Variants in PNPLA8 observed in about 807,000 individuals in gnomAD.
PNPLA8 encodes patatin like domain 8, phospholipase A2, also known as calcium-independent phospholipase A2-gamma.
Under a neutral mutation model 76.9 loss-of-function variants are expected in PNPLA8, and 39 were observed. That is an observed-to-expected ratio of 0.51 (90% CI 0.39 to 0.66). The LOEUF is 0.66. Among genes scored for constraint, PNPLA8 ranks in the 30% least tolerant of loss-of-function variants. The pLI, the probability that PNPLA8 is intolerant of heterozygous loss-of-function variation, is 0.00. For synonymous variants in PNPLA8, 301 were observed against 307.9 expected, an observed-to-expected ratio of 0.98 and a Z score of 0.24; for missense variants, 887 against 918.0, an observed-to-expected ratio of 0.97 and a Z score of 0.44.
chr7:108,512,167 G>A (rs1173993079), intron 4 of PNPLA8, among the ~76,000 whole-genome samples: 3 of 152,186 alleles, frequency 2.0e-5, no homozygotes, highest in African/African-American at 7.2e-5. Context: ...AACTTTGCAT[G>A]AGCCAGAAAT....
intron 2 of PNPLA8, among the ~76,000 whole-genome samples, chr7:108,516,211 T>C (rs1863332372): frequency 6.6e-6 from 1 of 152,036 alleles, no homozygotes; most frequent in African/African-American, 2.4e-5. Flanking sequence ...AAAGAACACA[T>C]ACAAATAAGA....
At chr7:108,489,386 A>G (rs1259743284) in intron 8 of PNPLA8, among the ~76,000 whole-genome samples, 1 of 152,326 alleles carries the variant, frequency 6.6e-6, no homozygotes. Context: ...GGAATTCTCT[A>G]TAACTCTTCC....
Position 108,515,119 on chromosome 7 carries a change from G to A in PNPLA8, c.373C>T (p.Arg125Cys), listed in dbSNP as rs760704135. 1.6e-5 allele frequency: 26 copies of A among 1,606,278 alleles called. No individual in the cohort carries two copies. The highest frequency in any genetic ancestry group is 9.9e-5 in the South Asian group (9 of 90,560). The change falls in exon 3 of 11, where the codon CGT (arginine) becomes TGT (cysteine). Residue 125 changes from arginine (R) to cysteine (C), a missense_variant. Coordinates refer to ENST00000257694, the MANE Select transcript of PNPLA8 (RefSeq NM_001256007.3). The part of the protein sequence containing the change: ...VFGNQNEMIS[R>C]LAQFKPSSQI... The stretch of plus-strand genomic sequence containing the variant: ...GAACTTGGCTTAAATTGAGCTAAAC[G>A]TGAAATCATTTCATTTTGATTGCCA...
intron 4 of PNPLA8, among the ~76,000 whole-genome samples, chr7:108,509,974 C>T (rs1293273707): frequency 3.7e-5 from 5 of 134,062 alleles, no homozygotes; most frequent in African/African-American, 5.8e-5. Flanking sequence ...GGGAATTGAA[C>T]AATGAGAACA....
chr7:108,514,032 TA>T, intron 4 of PNPLA8, 111 bp downstream of exon 4: 1 of 748,746 alleles, frequency 1.3e-6, no homozygotes, highest in Non-Finnish European at 2.2e-6. Context: ...ACATGTATAA[TA>T]AAAACCACAA....
intron 9 of PNPLA8, among the ~76,000 whole-genome samples, chr7:108,481,958 A>C (rs932321924): frequency 2.6e-5 from 4 of 152,278 alleles, no homozygotes; most frequent in Middle Eastern, 3.4e-3. Context: ...ATTTTTGCTG[A>C]AAAGACTATC....
chr7:108,510,328 G>A, intron 4 of PNPLA8: 17 of 1,586,744 alleles, frequency 1.1e-5, no homozygotes, highest in Middle Eastern at 1.7e-4. Context: ...TGAAGCGCCT[G>A]AGAAAGAAGT....
At chr7:108,493,266 A>G (rs1277415344) in intron 7 of PNPLA8, among the ~76,000 whole-genome samples, 1 of 152,250 alleles carries the variant, frequency 6.6e-6, no homozygotes, top group East Asian at 1.9e-4. Context: ...TGAGACAGCA[A>G]TACATAAATA....
chr7:108,519,842 T>C (rs1219162620), intron 2 of PNPLA8, among the ~76,000 whole-genome samples: 2 of 152,118 alleles, frequency 1.3e-5, no homozygotes, highest in Non-Finnish European at 2.9e-5. Flanking sequence ...AATTTTATTA[T>C]TTGCTGCAGA....
intron 2 of PNPLA8, among the ~76,000 whole-genome samples, chr7:108,518,459 G>A (rs1863495983): frequency 6.6e-6 from 1 of 151,902 alleles, no homozygotes; most frequent in Admixed American, 6.6e-5. Flanking sequence ...CAGACCCACA[G>A]AATGTACACT....
upstream of PNPLA8, among the ~76,000 whole-genome samples, chr7:108,527,310 C>G (rs1446976798): frequency 6.6e-6 from 1 of 152,096 alleles, no homozygotes; most frequent in Non-Finnish European, 1.5e-5. Context: ...AGCCAGCTTG[C>G]TATGTTCTTG....
chr7:108,502,708 T>A, intron 4 of PNPLA8, 66 bp from the exon 5 acceptor site: 1 of 1,189,634 alleles, frequency 8.4e-7, no homozygotes, highest in Non-Finnish European at 1.2e-6. Flanking sequence ...ATGATTATTA[T>A]TAACCAATAC....
intron 1 of PNPLA8, among the ~76,000 whole-genome samples, chr7:108,521,810 AT>A (rs1384667533): frequency 1.3e-5 from 2 of 152,228 alleles, no homozygotes; most frequent in Non-Finnish European, 2.9e-5. Flanking sequence ...AAAAAATAGA[AT>A]GATAAAGATG....
chr7:108,505,840 T>A (rs40856), intron 4 of PNPLA8, among the ~76,000 whole-genome samples: 2 of 151,898 alleles, frequency 1.3e-5, no homozygotes, highest in Non-Finnish European at 2.9e-5. Context: ...TACACATACA[T>A]ACCGCACATA....
intron 9 of PNPLA8, among the ~76,000 whole-genome samples, chr7:108,484,353 G>A (rs1466598251): frequency 6.6e-6 from 1 of 151,992 alleles, no homozygotes; most frequent in African/African-American, 2.4e-5. Flanking sequence ...GCTAATATTA[G>A]GTCCATGGTA....
At chr7:108,488,868 A>G (rs1860937211) in intron 8 of PNPLA8, among the ~76,000 whole-genome samples, 1 of 152,240 alleles carries the variant, frequency 6.6e-6, no homozygotes, top group African/African-American at 2.4e-5. Flanking sequence ...AGAGGCTGAC[A>G]GGTATTGATG....
chr7:108,502,646 T>C lies in PNPLA8; in HGVS notation c.1207-4A>G, dbSNP rs757689732. 2 of 1,596,612 alleles carry C rather than the reference T, an allele frequency of 1.3e-6. No individual in the cohort carries two copies. Among genetic ancestry groups the C allele is most frequent in the Non-Finnish European group, 1.7e-6 (2 of 1,168,050 alleles). On this transcript the variant is annotated splice_region_variant and splice_polypyrimidine_tract_variant and intron_variant, in intron 4 of 10. Transcript: ENST00000257694. ...ATAAATATGGAATAATTCTTTCCTA[T>C]ATTGAGAGAAAAGATACTTTGTTGC... is the stretch of plus-strand genomic sequence containing the variant.
At position 108,515,323 on chromosome 7, in the gene PNPLA8, A is replaced by T; in HGVS notation, c.169T>A (p.Cys57Ser). Residue 57 changes from cysteine (C) to serine (S), a missense_variant, in exon 3 of 11, where the codon TGT (cysteine) becomes AGT (serine). Coordinates refer to ENST00000257694, the MANE Select transcript of PNPLA8 (RefSeq NM_001256007.3). The part of the protein sequence containing the change: ...QRGFHTNIIR[C>S]KWTKSEAHSC... The stretch of plus-strand genomic sequence containing the variant: ...TGTGCTTCACTTTTGGTCCATTTAC[A>T]TCTTATTATGTTTGTATGAAAACCT... 1 of 1,613,482 alleles carries T rather than the reference A, an allele frequency of 6.2e-7. No homozygotes were observed. The highest frequency in any genetic ancestry group is 8.5e-7 in the Non-Finnish European group (1 of 1,179,800).
intron 9 of PNPLA8, among the ~76,000 whole-genome samples, chr7:108,481,995 C>CTT (rs1261497372): frequency 6.6e-6 from 1 of 152,082 alleles, no homozygotes; most frequent in Non-Finnish European, 1.5e-5. Context: ...GCTTTTGTAT[C>CTT]TTTGTCAAAG....
Sources: allele counts gnomAD v4.1 joint callset (sites outside exome capture counted in the v4.1 genomes callset), GRCh38; gene constraint gnomAD v4.1.1; transcripts MANE v1.5; gene names NCBI Gene and HGNC (gene_info 2026-07-23, HGNC 2026-07-21).